Variants in EIF4E3 observed in about 807,000 individuals in gnomAD.
EIF4E3 encodes the protein eukaryotic translation initiation factor 4E family member 3.
EIF4E3 carries 26 observed loss-of-function variants against 31.7 expected under a neutral mutation model. The ratio of observed to expected loss-of-function variants is 0.82; its 90% confidence interval spans 0.60 to 1.14. The LOEUF (loss-of-function observed/expected upper bound fraction) is 1.14, where lower values mean the gene tolerates loss of function less well. Ranked by LOEUF, EIF4E3 falls within the 50% of genes most tolerant of loss-of-function variation. The pLI is 0.00. For missense variants in EIF4E3, 304 were observed against 270.9 expected, an observed-to-expected ratio of 1.12 and a Z score of -0.86; for synonymous variants, 128 against 107.7, an observed-to-expected ratio of 1.19 and a Z score of -1.17.
At chr3:71,684,755 G>GA (rs375802441) in intron 6 of EIF4E3, 27 bp from the exon 7 acceptor site, 1 of 1,609,900 alleles carries the variant, frequency 6.2e-7, no homozygotes, top group South Asian at 1.1e-5. Flanking sequence ...AAACAAAAAA[G>GA]AAAAAAAGGA....
In EIF4E3 at chr3:71,725,182, G is replaced by A. The variant is rs145721671; in HGVS notation, c.176+10C>T. ...CGGGGCCGTGCGCGGCGGGCCCCGC[G>A]CCCCCTCACCTGTCGAGCCAGAAGG... On this transcript the variant is annotated intron_variant, in intron 1 of 6. Coordinates refer to ENST00000425534, the MANE Select transcript of EIF4E3 (RefSeq NM_001134651.2). This position sits in a 1 kb window ranked among gnomAD's most constrained non-coding sequence, Gnocchi z 6.1. 136 of 1,088,238 alleles carry A rather than the reference G, an allele frequency of 1.2e-4. 4 individuals are homozygous for A. The East Asian group carries it at 9.0e-3, about 72-fold the overall frequency. The allele number at this position is 1,088,238 out of a possible 1,614,324, so 67.4% of individuals were successfully genotyped here.
At chr3:71,693,853 C>A in intron 5 of EIF4E3, 22 bp downstream of exon 5, 1 of 1,525,822 alleles carries the variant, frequency 6.6e-7, no homozygotes, top group Non-Finnish European at 8.8e-7. Context: ...GCAGGGCCGG[C>A]CGGAGCCGTG....
At chr3:71,688,484 T>A (rs990498894) in intron 6 of EIF4E3, among the ~76,000 whole-genome samples, 1 of 152,194 alleles carries the variant, frequency 6.6e-6, no homozygotes, top group Admixed American at 6.5e-5. Flanking sequence ...GATGAGAAGT[T>A]GTGACTTGCT....
chr3:71,711,635 G>A (rs922883441), intron 1 of EIF4E3, among the ~76,000 whole-genome samples: 2 of 152,172 alleles, frequency 1.3e-5, no homozygotes, highest in African/African-American at 4.8e-5. Context: ...TACAGTCCTT[G>A]AACTATGAAC....
intron 6 of EIF4E3, among the ~76,000 whole-genome samples, chr3:71,685,158 A>G (rs955722070): frequency 1.3e-5 from 2 of 152,064 alleles, no homozygotes; most frequent in African/African-American, 4.8e-5. Flanking sequence ...ACTAAAAATA[A>G]AACAAAACAA....
chr3:71,699,542 G>C (rs549076783), intron 3 of EIF4E3, 72 bp downstream of exon 3: 1 of 1,312,498 alleles, frequency 7.6e-7, no homozygotes, highest in South Asian at 1.2e-5. Flanking sequence ...CATCTCAGGT[G>C]ATATGATCTT....
upstream of EIF4E3, chr3:71,725,444 C>CCCCGT (rs1559608322): frequency 4.7e-6 from 4 of 851,864 alleles, 1 homozygote; most frequent in East Asian, 5.0e-4. The surrounding 1 kb of genome is among the most constrained non-coding windows in gnomAD (Gnocchi z 6.1). Flanking sequence ...CCGGCCCCCG[C>CCCCGT]CCCGCCCCGC....
At chr3:71,709,280 G>A (rs2049340888) in intron 2 of EIF4E3, among the ~76,000 whole-genome samples, 1 of 152,204 alleles carries the variant, frequency 6.6e-6, no homozygotes, top group African/African-American at 2.4e-5. Flanking sequence ...AGCCACAATA[G>A]CCTTATTCTC....
chr3:71,703,150 A>G (rs2049241622), intron 2 of EIF4E3, among the ~76,000 whole-genome samples: 1 of 152,238 alleles, frequency 6.6e-6, no homozygotes, highest in Non-Finnish European at 1.5e-5. Context: ...TAGGAGAGGT[A>G]TAAAAGTTGA....
Position 71,677,597 on chromosome 3 carries a change from A to C in EIF4E3, c.*7085T>G, listed in dbSNP as rs1174061458. On this transcript the variant is annotated 3_prime_UTR_variant, in exon 7 of 7. Coordinates refer to ENST00000425534, the MANE Select transcript of EIF4E3 (RefSeq NM_001134651.2). ...AAATATGAGAGGGAAACATTATGAAATTTTAAAGCCTTCCTAGTGTTATGC... is the reference window on the plus strand; with the variant it reads ...AAATATGAGAGGGAAACATTATGAACTTTTAAAGCCTTCCTAGTGTTATGC... 6.6e-6 allele frequency: 1 copy of C among 152,212 alleles called. No homozygotes were observed. The highest frequency in any genetic ancestry group is 1.5e-5 in the Non-Finnish European group (1 of 68,034). 9.4% of individuals were successfully genotyped at this position (152,212 alleles called of 1,614,324 possible). A position where few individuals can be genotyped will look rare whatever the true frequency, so the allele number is the denominator to read the frequency against.
At chr3:71,695,365 GC>G (rs2049122136) in intron 4 of EIF4E3, among the ~76,000 whole-genome samples, 2 of 152,202 alleles carry the variant, frequency 1.3e-5, no homozygotes, top group Non-Finnish European at 2.9e-5. Flanking sequence ...AGCCAAGTGA[GC>G]TAACAAGGAG....
chr3:71,695,097 TTCTGG>T (rs1052984242), intron 4 of EIF4E3, among the ~76,000 whole-genome samples: 83 of 152,218 alleles, frequency 5.5e-4, no homozygotes, highest in African/African-American at 1.8e-3. Context: ...AGCCTGTCCC[TTCTGG>T]TCTATGAGTC....
chr3:71,731,530 G>A (rs1186382738), intron 1 of EIF4E3, among the ~76,000 whole-genome samples: 2 of 152,120 alleles, frequency 1.3e-5, no homozygotes, highest in African/African-American at 4.8e-5. Context: ...AAGTGGGGAG[G>A]GCCAGGCCTC....
At chr3:71,702,307 G>C (rs1163434793) in intron 2 of EIF4E3, among the ~76,000 whole-genome samples, 1 of 152,164 alleles carries the variant, frequency 6.6e-6, no homozygotes, top group African/African-American at 2.4e-5. Context: ...ATAACATTAA[G>C]AGGAAAACCC....
intron 1 of EIF4E3, among the ~76,000 whole-genome samples, chr3:71,714,240 G>A (rs1479425165): frequency 4.9e-5 from 5 of 102,668 alleles, no homozygotes; most frequent in African/African-American, 1.9e-4. Flanking sequence ...AAGGGAAGAA[G>A]GAAAGGAAGG....
chr3:71,744,007 TAGG>T (rs1416839064), intron 1 of EIF4E3, among the ~76,000 whole-genome samples: 2 of 151,936 alleles, frequency 1.3e-5, no homozygotes, highest in Non-Finnish European at 2.9e-5. Flanking sequence ...GAAGAAAACA[TAGG>T]AGAAAATTTT....
downstream of EIF4E3, among the ~76,000 whole-genome samples, chr3:71,672,960 T>C (rs139745110): frequency 5.3e-5 from 8 of 152,250 alleles, no homozygotes; most frequent in African/African-American, 1.9e-4. Context: ...ATTTGACCTC[T>C]CTACAATCTT....
At position 71,686,549 on chromosome 3, in the gene EIF4E3, T is replaced by A. The variant is rs1010643748; in HGVS notation, c.629-1821A>T. On this transcript the variant is annotated intron_variant, in intron 6 of 6. Transcript: ENST00000425534. ...TTGCAAATATTTCACATTGAGTGTG[T>A]GTGTGTGTGTGTGTGTGTGTGTGTG... is the stretch of plus-strand genomic sequence containing the variant. Among the ~76,000 whole-genome samples, 19 of 147,646 alleles carry A rather than the reference T, an allele frequency of 1.3e-4. No individual in the cohort carries two copies. The East Asian group carries it at 2.6e-3, about 20-fold the overall frequency.
intron 1 of EIF4E3, among the ~76,000 whole-genome samples, chr3:71,740,043 T>C (rs141323989): frequency 1.3e-5 from 2 of 152,146 alleles, no homozygotes; most frequent in African/African-American, 4.8e-5. Context: ...GTTAAAAATG[T>C]ACACTGTGAA....
Sources: allele counts gnomAD v4.1 joint callset (sites outside exome capture counted in the v4.1 genomes callset), GRCh38; gene constraint gnomAD v4.1.1; non-coding constraint Gnocchi (gnomAD v3.1); transcripts MANE v1.5; gene names NCBI Gene and HGNC (gene_info 2026-07-23, HGNC 2026-07-21).